TBXAS1: variants seen among roughly 807,000 people sequenced by gnomAD.
The protein encoded by TBXAS1 is thromboxane-A synthase.
TBXAS1 carries 48 observed loss-of-function variants against 60.7 expected under a neutral mutation model. The ratio of observed to expected loss-of-function variants is 0.79; its 90% confidence interval spans 0.63 to 1.01. The LOEUF (loss-of-function observed/expected upper bound fraction) is 1.01, where lower values mean the gene tolerates loss of function less well. Ranked by LOEUF, TBXAS1 falls within the 50% of genes least tolerant of loss-of-function variation. TBXAS1 has a pLI of 0.00. For synonymous variants in TBXAS1, 287 were observed against 269.7 expected, an observed-to-expected ratio of 1.06 and a Z score of -0.63; for missense variants, 685 against 686.3, an observed-to-expected ratio of 1.00 and a Z score of 0.02.
At chr7:139,823,095 T>C (rs1244588214) in intron 4 of TBXAS1, among the ~76,000 whole-genome samples, 6 of 151,688 alleles carry the variant, frequency 4.0e-5, no homozygotes, top group Admixed American at 3.3e-4. Flanking sequence ...ACATCTATCC[T>C]ACTCTCTTCT....
intron 1 of TBXAS1, among the ~76,000 whole-genome samples, chr7:139,862,565 G>T (rs1801046542): frequency 6.6e-6 from 1 of 152,150 alleles, no homozygotes. Context: ...TTACTGGGAA[G>T]GAATGAAGAA....
intron 4 of TBXAS1, among the ~76,000 whole-genome samples, chr7:139,809,676 G>A (rs1797979986): frequency 6.6e-6 from 1 of 152,190 alleles, no homozygotes; most frequent in Non-Finnish European, 1.5e-5. Flanking sequence ...CCAAAGGCCA[G>A]AGATCTTGGA....
intron 3 of TBXAS1, among the ~76,000 whole-genome samples, chr7:139,784,468 A>G (rs1468248069): frequency 6.6e-6 from 1 of 152,240 alleles, no homozygotes; most frequent in African/African-American, 2.4e-5. Flanking sequence ...AAAAGGATGC[A>G]CATGGTCAAA....
At chr7:139,895,268 G>C (rs1033647994) in intron 3 of TBXAS1, among the ~76,000 whole-genome samples, 2 of 152,180 alleles carry the variant, frequency 1.3e-5, no homozygotes, top group African/African-American at 4.8e-5. Flanking sequence ...AGATGGATTG[G>C]CCAGTCATCA....
At position 139,875,575 on chromosome 7, in the gene TBXAS1, T is replaced by C. The variant is rs1163224730; in HGVS notation, c.184-10T>C. The C allele has an allele frequency of 6.2e-7, 1 of 1,613,878 alleles. No individual in the cohort carries two copies. Among genetic ancestry groups the C allele is most frequent in the South Asian group, 1.1e-5 (1 of 91,090 alleles). ...ATCTTATTCTTACTATAGTGCTGTGTTTCCTTCAGGGTTTTTGGGAAAGCC... is the reference window on the plus strand; with the variant it reads ...ATCTTATTCTTACTATAGTGCTGTGCTTCCTTCAGGGTTTTTGGGAAAGCC... On this transcript the variant is annotated splice_polypyrimidine_tract_variant and intron_variant, in intron 2 of 12. Coordinates refer to ENST00000448866, the MANE Select transcript of TBXAS1 (RefSeq NM_001061.7).
intron 4 of TBXAS1, among the ~76,000 whole-genome samples, chr7:139,788,443 C>G (rs150948905): frequency 1.4e-4 from 22 of 152,338 alleles, no homozygotes. Context: ...TTTCAAGTGT[C>G]TAGAACAGTG....
chr7:139,972,899 T>C (rs1811311956), intron 9 of TBXAS1, among the ~76,000 whole-genome samples: 1 of 152,100 alleles, frequency 6.6e-6, no homozygotes, highest in South Asian at 2.1e-4. Context: ...TATTTCACTC[T>C]TCCTTTTCTA....
intron 5 of TBXAS1, among the ~76,000 whole-genome samples, chr7:139,952,941 C>G (rs1274710343): frequency 6.6e-6 from 1 of 152,176 alleles, no homozygotes; most frequent in Non-Finnish European, 1.5e-5. Context: ...AGTGAAAGAT[C>G]TAAAATACAA....
intron 9 of TBXAS1, among the ~76,000 whole-genome samples, chr7:139,986,805 A>G (rs78518529): frequency 0.15 from 4,793 of 30,980 alleles, 181 homozygotes; most frequent in East Asian, 0.43. Context: ...GTGTGTATAT[A>G]TATATATATA....
Position 139,919,699 on chromosome 7 carries a change from C to A in TBXAS1, c.333+8378C>A, listed in dbSNP as rs994149203. 2.1e-4 allele frequency among the ~76,000 whole-genome samples: 32 copies of A among 152,180 alleles called. 3 individuals are homozygous for A. Among genetic ancestry groups the A allele is most frequent in the Admixed American group, 1.6e-3 (24 of 15,288 alleles). ...TGGTTCTTGTGTGGCTTTACCAGGC[C>A]AGTCGAGAATCACTGGGCTGGTGCA... is the stretch of plus-strand genomic sequence containing the variant. On this transcript the variant is annotated intron_variant, in intron 4 of 12. Transcript: ENST00000448866.
chr7:139,927,005 T>A (rs530078264), intron 4 of TBXAS1, among the ~76,000 whole-genome samples: 72 of 152,188 alleles, frequency 4.7e-4, no homozygotes, highest in Non-Finnish European at 9.0e-4. Context: ...TTGTTTGTTT[T>A]TTGTTTCTTG....
chr7:139,974,936 C>T (rs1018236482), intron 9 of TBXAS1, among the ~76,000 whole-genome samples: 2 of 152,290 alleles, frequency 1.3e-5, no homozygotes, highest in East Asian at 3.9e-4. Context: ...CAGGGATCTC[C>T]AGAGGAACCG....
At chr7:139,978,973 C>G (rs936387233) in intron 9 of TBXAS1, among the ~76,000 whole-genome samples, 2 of 152,014 alleles carry the variant, frequency 1.3e-5, no homozygotes, top group African/African-American at 4.8e-5. Context: ...CTAAAAAAGA[C>G]TAAAGTGAAA....
intron 3 of TBXAS1, among the ~76,000 whole-genome samples, chr7:139,907,255 A>G (rs1420839365): frequency 6.6e-6 from 1 of 152,198 alleles, no homozygotes; most frequent in Non-Finnish European, 1.5e-5. Context: ...GATTTTGTCA[A>G]ATGCTTTCTC....
At chr7:139,998,098 C>G (rs1047267095) in intron 9 of TBXAS1, among the ~76,000 whole-genome samples, 1 of 152,138 alleles carries the variant, frequency 6.6e-6, no homozygotes, top group Non-Finnish European at 1.5e-5. Context: ...TGAAACTGAG[C>G]AAAAGAAGGC....
chr7:139,898,442 TTTTGA>T (rs1804290362), intron 3 of TBXAS1, among the ~76,000 whole-genome samples: 3 of 118,020 alleles, frequency 2.5e-5, no homozygotes, highest in East Asian at 2.5e-4. Context: ...TTTTTTTTTT[TTTTGA>T]GACAGAGTCT....
rs185744162 is a variant in TBXAS1 at position 139,829,559 on chromosome 7, G to A, written c.89+80G>A. The A allele has an allele frequency of 7.7e-4, 1,025 of 1,323,202 alleles. 1 individual carries two copies. Among genetic ancestry groups the A allele is most frequent in the Non-Finnish European group, 9.9e-4 (923 of 934,834 alleles). The allele number at this position is 1,323,202 out of a possible 1,614,324, so 82.0% of individuals were successfully genotyped here. The stretch of plus-strand genomic sequence containing the variant: ...CCTTGCTGGTGCCATGGCGGGGTAT[G>A]TGGGAGTGTGTTTTTCTTCTTTTCT... On this transcript the variant is annotated intron_variant, in intron 1 of 12. Transcript: ENST00000448866.
chr7:139,992,730 G>A (rs1813011061), intron 9 of TBXAS1, among the ~76,000 whole-genome samples: 3 of 152,340 alleles, frequency 2.0e-5, no homozygotes, highest in East Asian at 1.9e-4. Flanking sequence ...CACTCAGCTC[G>A]GTTCTTGGCA....
At chr7:139,929,429 G>A (rs1362032359) in intron 4 of TBXAS1, among the ~76,000 whole-genome samples, 4 of 152,128 alleles carry the variant, frequency 2.6e-5, no homozygotes, top group Admixed American at 6.5e-5. Flanking sequence ...GGGTGGTTTC[G>A]TGGGAAAAAT....
Sources: allele counts gnomAD v4.1 joint callset (sites outside exome capture counted in the v4.1 genomes callset), GRCh38; gene constraint gnomAD v4.1.1; transcripts MANE v1.5; gene names NCBI Gene and HGNC (gene_info 2026-07-23, HGNC 2026-07-21).